Variants in ASXL2 observed in about 807,000 individuals in gnomAD.
ASXL2 encodes ASXL transcriptional regulator 2.
Under a neutral mutation model 122.0 loss-of-function variants are expected in ASXL2, and 23 were observed. The ratio of observed to expected loss-of-function variants is 0.19; its 90% CI spans 0.14 to 0.27. The LOEUF (loss-of-function observed/expected upper bound fraction) is 0.27, where lower values mean the gene tolerates loss of function less well. Among genes scored for constraint, ASXL2 ranks in the 10% least tolerant of loss-of-function variants. The pLI, the probability that ASXL2 is intolerant of heterozygous loss-of-function variation, is 1.00. For synonymous variants in ASXL2, 650 were observed against 637.0 expected (o/e 1.02, Z -0.31); for missense variants, 1,518 against 1,713.8 (o/e 0.89, Z 2.02).
chr2:25,772,372 G>A (rs1559506710), intron 5 of ASXL2, among the ~76,000 whole-genome samples: 1 of 152,100 alleles, frequency 6.6e-6, no homozygotes, highest in African/African-American at 2.4e-5. Flanking sequence ...ATAGTAGTTG[G>A]ACTGAAAAGG....
At position 25,878,463 on chromosome 2, in the gene ASXL2, G is replaced by A. The variant is rs2090029651; in HGVS notation, c.-241C>T. 2 of 540,538 alleles carry A rather than the reference G, an allele frequency of 3.7e-6. No homozygotes were observed. The highest frequency in any genetic ancestry group is 3.5e-5 in the Admixed American group (1 of 28,276). 33.5% of individuals were successfully genotyped at this position (540,538 alleles called of 1,614,324 possible). A position where few individuals can be genotyped will look rare whatever the true frequency, so the allele number is the denominator to read the frequency against. On this transcript the variant is annotated 5_prime_UTR_variant, in exon 1 of 13. Coordinates refer to ENST00000435504, the MANE Select transcript of ASXL2 (RefSeq NM_018263.6). The stretch of plus-strand genomic sequence containing the variant: ...GCCGCTGCCATATTGGGTTCTTACT[G>A]TACAGGCTGCCGCTACGGTCATGTG...
At chr2:25,822,273 G>A (rs949065884) in intron 3 of ASXL2, among the ~76,000 whole-genome samples, 1 of 152,236 alleles carries the variant, frequency 6.6e-6, no homozygotes, top group Non-Finnish European at 1.5e-5. Flanking sequence ...CCCGACCGGA[G>A]GGGCCGCTCT....
At chr2:25,866,843 C>T (rs1297917774) in intron 1 of ASXL2, among the ~76,000 whole-genome samples, 1 of 152,188 alleles carries the variant, frequency 6.6e-6, no homozygotes, top group Non-Finnish European at 1.5e-5. Context: ...AGTGATTCTC[C>T]TGCCTCAGCG....
intron 3 of ASXL2, among the ~76,000 whole-genome samples, chr2:25,829,126 G>A (rs2089417421): frequency 6.6e-6 from 1 of 152,094 alleles, no homozygotes; most frequent in Admixed American, 6.6e-5. Context: ...GCCAGATGTG[G>A]CAGTGTACAC....
intron 1 of ASXL2, among the ~76,000 whole-genome samples, chr2:25,871,263 C>T (rs2089959888): frequency 1.3e-5 from 2 of 152,294 alleles, no homozygotes; most frequent in South Asian, 2.1e-4. Flanking sequence ...ATCTTCCACA[C>T]TGGCCTCCTT....
chr2:25,867,101 T>C (rs1377507295), intron 1 of ASXL2, among the ~76,000 whole-genome samples: 2 of 152,066 alleles, frequency 1.3e-5, no homozygotes, highest in African/African-American at 4.8e-5. Flanking sequence ...GGTTTCTCCA[T>C]GCTGGTCAGG....
At chr2:25,768,544 A>AT (rs1299078839) in intron 7 of ASXL2, among the ~76,000 whole-genome samples, 198 bp downstream of exon 7, 1 of 152,062 alleles carries the variant, frequency 6.6e-6, no homozygotes, top group South Asian at 2.1e-4. Context: ...GCTCTGAGTT[A>AT]TTTTTTAATA....
intron 3 of ASXL2, among the ~76,000 whole-genome samples, chr2:25,824,942 AAAGTT>A (rs2089359133): frequency 6.6e-6 from 1 of 152,200 alleles, no homozygotes; most frequent in South Asian, 2.1e-4. Context: ...ATCAACTTTC[AAAGTT>A]AAAAGTCTCA....
At chr2:25,850,187 T>A (rs1216427404) in intron 1 of ASXL2, among the ~76,000 whole-genome samples, 1 of 78,482 alleles carries the variant, frequency 1.3e-5, no homozygotes, top group Admixed American at 1.1e-4. Context: ...GGACTTAAAT[T>A]TTTTTTTTTA....
intron 5 of ASXL2, among the ~76,000 whole-genome samples, chr2:25,776,364 A>G (rs557848223): frequency 6.6e-6 from 1 of 152,342 alleles, no homozygotes; most frequent in South Asian, 2.1e-4. Flanking sequence ...TCGTAAAATA[A>G]TATTCCATTG....
rs550619978 is a variant in ASXL2, at chr2:25,770,749, A to G, written c.504+691T>C. Among the ~76,000 whole-genome samples, 5 of 152,290 alleles carry G rather than the reference A, an allele frequency of 3.3e-5. No individual in the cohort carries two copies. In the South Asian group the frequency reaches 1.0e-3, roughly 32 times the overall value. On this transcript the variant is annotated intron_variant, in intron 6 of 12. Transcript: ENST00000435504. ...CAAAAAAGACAAAAAGAAAGAAAAG[A>G]AAATCTAGCTGTGTGTAATTCTCTG...
In ASXL2 at chr2:25,771,462, T is replaced by G; in HGVS notation, c.482A>C (p.His161Pro). The change falls in exon 6 of 13, where the codon CAC becomes CCC. Residue 161 changes from histidine (H) to proline (P), a missense_variant. By Grantham distance (77) the His-to-Pro change is moderately conservative (BLOSUM62 -2). Coordinates refer to ENST00000435504, the MANE Select transcript of ASXL2 (RefSeq NM_018263.6). The stretch of plus-strand genomic sequence containing the variant: ...TACCTGCTTTAGTGCCTTCTTGCTG[T>G]GCTTCTGTGATGGAGAAATGACTTT... ...AGKVISPSQK[H>P]SKKALKQALK... 1 of 1,613,592 alleles carries G rather than the reference T, an allele frequency of 6.2e-7. No individual in the cohort carries two copies. The highest frequency in any genetic ancestry group is 1.1e-5 in the South Asian group (1 of 91,040).
chr2:25,784,096 A>AATAT (rs1190215268), intron 5 of ASXL2, among the ~76,000 whole-genome samples: 20 of 137,192 alleles, frequency 1.5e-4, no homozygotes, highest in East Asian at 8.0e-4. Flanking sequence ...TAAATAAATA[A>AATAT]ATATAAAGTT....
At chr2:25,769,861 T>C (rs1030849191) in intron 6 of ASXL2, among the ~76,000 whole-genome samples, 3 of 152,218 alleles carry the variant, frequency 2.0e-5, no homozygotes, top group African/African-American at 7.2e-5. Flanking sequence ...TCTCTGGCTA[T>C]GCTATAGGCA....
intron 2 of ASXL2, among the ~76,000 whole-genome samples, chr2:25,840,253 T>C (rs1354289116): frequency 1.3e-5 from 2 of 152,240 alleles, no homozygotes; most frequent in Non-Finnish European, 2.9e-5. Flanking sequence ...CAGAGTTCCA[T>C]ACTTTGGATA....
At chr2:25,802,759 C>T (rs1313455044) in intron 4 of ASXL2, among the ~76,000 whole-genome samples, 2 of 152,196 alleles carry the variant, frequency 1.3e-5, no homozygotes, top group African/African-American at 2.4e-5. Context: ...TGATCACCAA[C>T]GGCCAATAAT....
At chr2:25,863,912 A>G (rs551898326) in intron 1 of ASXL2, among the ~76,000 whole-genome samples, 10 of 151,762 alleles carry the variant, frequency 6.6e-5, no homozygotes, top group African/African-American at 2.4e-4. Context: ...AGGCTGAGGC[A>G]GGACAACTGC....
chr2:25,842,806 A>C (rs1041090628), intron 2 of ASXL2, among the ~76,000 whole-genome samples: 15 of 149,944 alleles, frequency 1.0e-4, no homozygotes, highest in Admixed American at 5.3e-4. Flanking sequence ...ATATATATAT[A>C]TATATGTTTT....
At position 25,734,712 on chromosome 2, in the gene ASXL2, C is replaced by T. The variant is rs2087707395; in HGVS notation, c.*7317G>A. ...AATATAGTGTTTAGGAAGCCAAGTT[C>T]CATTTCACTTAACAGATGGAGGTGC... On this transcript the variant is annotated 3_prime_UTR_variant, in exon 13 of 13. Coordinates refer to ENST00000435504, the MANE Select transcript of ASXL2 (RefSeq NM_018263.6). 6.6e-6 allele frequency: 1 copy of T among 152,148 alleles called. No individual in the cohort carries two copies. The highest frequency in any genetic ancestry group is 6.6e-5 in the Admixed American group (1 of 15,262). 9.4% of individuals were successfully genotyped at this position (152,148 alleles called of 1,614,324 possible).
Sources: allele counts gnomAD v4.1 joint callset (sites outside exome capture counted in the v4.1 genomes callset), GRCh38; gene constraint gnomAD v4.1.1; transcripts MANE v1.5; gene names NCBI Gene and HGNC (gene_info 2026-07-23, HGNC 2026-07-21).